The following IL1RAPL1 variants were observed in gnomAD, a reference collection of about 807,000 sequenced individuals.
IL1RAPL1 encodes interleukin 1 receptor accessory protein like 1, also known as interleukin-1 receptor accessory protein-like 1.
A neutral mutation model predicts 48.4 loss-of-function variants in IL1RAPL1; 3 were observed. The ratio of observed to expected loss-of-function variants is 0.06; its 90% CI spans 0.03 to 0.16. The LOEUF is 0.16. IL1RAPL1 is among the 10% of genes least tolerant of loss of function. The pLI is 1.00. For synonymous variants in IL1RAPL1, 185 were observed against 187.7 expected, an observed-to-expected ratio of 0.99 and a Z score of 0.12; for missense variants, 349 against 530.6, an observed-to-expected ratio of 0.66 and a Z score of 3.36.
chrX:29,902,786 G>A (rs974924559), intron 6 of IL1RAPL1, among the ~76,000 whole-genome samples: 1 of 111,283 alleles, frequency 9.0e-6, no homozygotes, highest in Admixed American at 9.6e-5. Context: ...AAACAATTGA[G>A]TTGCTTTGTT....
intron 5 of IL1RAPL1, among the ~76,000 whole-genome samples, chrX:29,417,124 C>G (rs1347937844): frequency 9.0e-6 from 1 of 111,351 alleles, no homozygotes; most frequent in African/African-American, 3.3e-5. Flanking sequence ...TAATTATATC[C>G]CAGGGTTAGT....
chrX:29,953,204 T>A (rs1357774780), intron 9 of IL1RAPL1, among the ~76,000 whole-genome samples: 1 of 111,824 alleles, frequency 8.9e-6, no homozygotes, highest in Non-Finnish European at 1.9e-5. Flanking sequence ...GATCTAATCA[T>A]CAAGTAATAC....
chrX:28,757,143 A>G (rs958885951), intron 1 of IL1RAPL1, among the ~76,000 whole-genome samples: 19 of 112,340 alleles, frequency 1.7e-4, no homozygotes, highest in Admixed American at 7.6e-4. Flanking sequence ...CTTGCAGTAG[A>G]TGCAAAAAAT....
intron 2 of IL1RAPL1, among the ~76,000 whole-genome samples, chrX:29,013,946 A>T (rs1926184034): frequency 8.9e-6 from 1 of 112,033 alleles, no homozygotes; most frequent in South Asian, 3.7e-4. Flanking sequence ...GGTATGCTCA[A>T]GGCATTTTGC....
chrX:29,839,777 C>T (rs1311390503), intron 6 of IL1RAPL1, among the ~76,000 whole-genome samples: 1 of 110,770 alleles, frequency 9.0e-6, no homozygotes, highest in Non-Finnish European at 1.9e-5. Flanking sequence ...TAAAAATTAG[C>T]CAAACATGGC....
intron 2 of IL1RAPL1, among the ~76,000 whole-genome samples, chrX:28,871,705 T>C (rs1922211440): frequency 8.9e-6 from 1 of 111,794 alleles, no homozygotes; most frequent in Non-Finnish European, 1.9e-5. Context: ...GGTCCAGGAA[T>C]GTACGTTTTA....
intron 3 of IL1RAPL1, among the ~76,000 whole-genome samples, chrX:29,291,535 C>T (rs1043800684): frequency 4.5e-5 from 5 of 110,825 alleles, no homozygotes; most frequent in Admixed American, 1.9e-4. Flanking sequence ...AGGTATTTCT[C>T]CTAATGCTAT....
intron 2 of IL1RAPL1, among the ~76,000 whole-genome samples, chrX:28,896,800 G>A (rs1447571467): frequency 6.4e-5 from 7 of 109,772 alleles, no homozygotes; most frequent in Non-Finnish European, 1.1e-4. Context: ...GATTTGGGAC[G>A]AGTTGCATTG....
At position 29,956,160 on chromosome X, in the gene IL1RAPL1, C is replaced by A. The variant is rs911615978; in HGVS notation, c.*340C>A. On this transcript the variant is annotated 3_prime_UTR_variant, in exon 11 of 11. Transcript: ENST00000378993. ...TTTAGAATGGGTTTTTATTTTATTT[C>A]CTTTTTTAAAATTTTACTTTGCTTT... 1.3e-4 allele frequency: 31 copies of A among 231,804 alleles called. No homozygotes were observed. The highest frequency in any genetic ancestry group is 2.7e-3 in the Middle Eastern group (2 of 745). 19.1% of individuals were successfully genotyped at this position (231,804 alleles called of 1,213,427 possible).
At chrX:28,997,781 C>T (rs188112448) in intron 2 of IL1RAPL1, among the ~76,000 whole-genome samples, 7 of 110,746 alleles carry the variant, frequency 6.3e-5, no homozygotes, top group Non-Finnish European at 1.1e-4. Flanking sequence ...ATCCCATGTT[C>T]CCCCCACCCC....
intron 1 of IL1RAPL1, among the ~76,000 whole-genome samples, chrX:28,754,578 C>T (rs943608943): frequency 8.9e-6 from 1 of 112,233 alleles, no homozygotes; most frequent in African/African-American, 3.2e-5. Context: ...GCACATAAAT[C>T]TATTAATTCT....
intron 5 of IL1RAPL1, among the ~76,000 whole-genome samples, chrX:29,527,799 A>G (rs932791418): frequency 8.9e-6 from 1 of 112,415 alleles, no homozygotes; most frequent in Non-Finnish European, 1.9e-5. Context: ...TAATATATAA[A>G]GAACTTTTAA....
At chrX:28,839,366 T>C (rs373744905) in intron 2 of IL1RAPL1, among the ~76,000 whole-genome samples, 2 of 110,873 alleles carry the variant, frequency 1.8e-5, no homozygotes, top group South Asian at 7.4e-4. Context: ...TTTTTTCTTA[T>C]ATTTATAATT....
rs759964877 is a variant in IL1RAPL1, at chrX:29,478,057, CAG to C, written c.703+78751_703+78752del. The stretch of plus-strand genomic sequence containing the variant: ...TTTACCCTCACAAGCAAAAATAAAA[CAG>C]AAAGAAAAGAGAGCAAAACAAAAAA... On this transcript the variant is annotated intron_variant, in intron 5 of 10. Coordinates refer to ENST00000378993, the MANE Select transcript of IL1RAPL1 (RefSeq NM_014271.4). 2.5e-3 allele frequency among the ~76,000 whole-genome samples: 274 copies of C among 111,791 alleles called. 1 individual carries two copies. Among genetic ancestry groups the C allele is most frequent in the African/African-American group, 8.6e-3 (265 of 30,744 alleles).
intron 2 of IL1RAPL1, among the ~76,000 whole-genome samples, chrX:28,839,635 A>G (rs913572534): frequency 1.8e-5 from 2 of 111,179 alleles, no homozygotes; most frequent in Admixed American, 1.9e-4. Flanking sequence ...AGCCACATCT[A>G]AACATCAAGG....
chrX:29,089,770 A>ATATG (rs1569234635), intron 2 of IL1RAPL1, among the ~76,000 whole-genome samples: 1 of 79,647 alleles, frequency 1.3e-5, no homozygotes, highest in East Asian at 4.5e-4. Context: ...ATATATATAT[A>ATATG]TATATATATA....
chrX:28,950,805 A>G (rs1287186972), intron 2 of IL1RAPL1, among the ~76,000 whole-genome samples: 2 of 107,700 alleles, frequency 1.9e-5, no homozygotes, highest in Non-Finnish European at 3.8e-5. Flanking sequence ...TCATGCTGCT[A>G]TAAAGACACA....
intron 8 of IL1RAPL1, among the ~76,000 whole-genome samples, chrX:29,936,072 G>A (rs999989557): frequency 5.4e-5 from 6 of 110,776 alleles, no homozygotes; most frequent in African/African-American, 2.0e-4. Flanking sequence ...TATGTGAATA[G>A]CAGCTTGATT....
chrX:28,598,832 C>T (rs1485417538), intron 1 of IL1RAPL1, among the ~76,000 whole-genome samples: 2 of 108,699 alleles, frequency 1.8e-5, no homozygotes, highest in Non-Finnish European at 1.9e-5. Context: ...TTCACCATGT[C>T]GGCCAGGCTG....
Sources: allele counts gnomAD v4.1 joint callset (sites outside exome capture counted in the v4.1 genomes callset), GRCh38; gene constraint gnomAD v4.1.1; transcripts MANE v1.5; gene names NCBI Gene and HGNC (gene_info 2026-07-23, HGNC 2026-07-21).